The following GDF6 variants were observed in gnomAD, a reference collection of about 807,000 sequenced individuals.
GDF6 encodes the protein growth differentiation factor 6.
In GDF6, 3 loss-of-function variants were observed where a neutral mutation model predicts 32.4. The observed-to-expected ratio is 0.09, with a 90% CI of 0.04 to 0.24. GDF6 has a LOEUF of 0.24. GDF6 is among the 10% of genes least tolerant of loss of function. The pLI is 1.00. For missense variants in GDF6, 589 were observed against 637.9 expected (o/e 0.92, Z 0.83); for synonymous variants, 296 against 295.3 (o/e 1.00, Z -0.03).
intron 1 of GDF6, among the ~76,000 whole-genome samples, chr8:96,146,567 A>G (rs1017828759): frequency 2.6e-5 from 4 of 152,130 alleles, no homozygotes; most frequent in African/African-American, 4.8e-5. Flanking sequence ...ACAAATGAAC[A>G]AACACACACA....
chr8:96,154,279 G>C (rs746983019), intron 1 of GDF6, among the ~76,000 whole-genome samples: 44 of 151,978 alleles, frequency 2.9e-4, no homozygotes, highest in Non-Finnish European at 5.6e-4. Flanking sequence ...GCCGCCGCGC[G>C]CGCTTCCCTA....
At chr8:96,149,740 C>T (rs1345329343) in intron 1 of GDF6, among the ~76,000 whole-genome samples, 2 of 152,154 alleles carry the variant, frequency 1.3e-5, no homozygotes, top group African/African-American at 4.8e-5. Context: ...AATGAGAAAA[C>T]TGGCCTAGAA....
rs965785374 is a variant in GDF6 at position 96,142,686 on chromosome 8, T to C, written c.*1877A>G. 7 of 152,672 alleles carry C rather than the reference T, an allele frequency of 4.6e-5. No individual in the cohort carries two copies. Among genetic ancestry groups the C allele is most frequent in the African/African-American group, 1.7e-4 (7 of 41,458 alleles). The allele number at this position is 152,672 out of a possible 1,614,324, so 9.5% of individuals were successfully genotyped here. ...ATGCTGTCCATTTCCTCTTTGCACT[T>C]TCAGTCACCTTAAATAAACAAATAT... On this transcript the variant is annotated 3_prime_UTR_variant, in exon 2 of 2. Coordinates refer to ENST00000287020, the MANE Select transcript of GDF6 (RefSeq NM_001001557.4).
At chr8:96,146,988 CT>C (rs745816306) in intron 1 of GDF6, among the ~76,000 whole-genome samples, 3 of 152,212 alleles carry the variant, frequency 2.0e-5, no homozygotes, top group Non-Finnish European at 4.4e-5. Flanking sequence ...TTTTCCTGGG[CT>C]GCCTTCCCAT....
Position 96,145,286 on chromosome 8 carries a change from G to A in GDF6, c.645C>T (p.Phe215=). Residue 215 remains phenylalanine (F), a synonymous_variant, in exon 2 of 2, where the codon TTC becomes TTT. Coordinates refer to ENST00000287020, the MANE Select transcript of GDF6 (RefSeq NM_001001557.4). The surrounding 1 kb of genome is among the most constrained non-coding windows in gnomAD (Gnocchi z 5.6). ...QGAPPAGWEV[F]DVWQGLRHQP... ...GGTGGCGCAGGCCCTGCCACACGTC[G>A]AAGACTTCCCAGCCGGCCGGCGGCG... 4 of 1,528,764 alleles carry A rather than the reference G, an allele frequency of 2.6e-6. No homozygotes were observed. The highest frequency in any genetic ancestry group is 3.5e-6 in the Non-Finnish European group (4 of 1,144,006). The allele number at this position is 1,528,764 out of a possible 1,614,324, so 94.7% of individuals were successfully genotyped here.
chr8:96,144,287 A>AGAGAGAGAGAGAGAGG lies in GDF6; in HGVS notation c.*275_*276insCCTCTCTCTCTCTCTC, dbSNP rs1563507993. 1 of 496,986 alleles carries AGAGAGAGAGAGAGAGG rather than the reference A, an allele frequency of 2.0e-6. No homozygotes were observed. Among genetic ancestry groups the AGAGAGAGAGAGAGAGG allele is most frequent in the Non-Finnish European group, 3.6e-6 (1 of 275,666 alleles). 30.8% of individuals were successfully genotyped at this position (496,986 alleles called of 1,614,324 possible). ...GAGAGAGAGAGAGAGAGAGAGAGAG[A>AGAGAGAGAGAGAGAGG]GAGAAAACAGAACAAAAGAAATCCT... On this transcript the variant is annotated 3_prime_UTR_variant, in exon 2 of 2. Transcript: ENST00000287020. This position sits in a 1 kb window ranked among gnomAD's most constrained non-coding sequence, Gnocchi z 5.1.
chr8:96,157,618 C>G (rs1405055310), intron 1 of GDF6, among the ~76,000 whole-genome samples: 1 of 152,180 alleles, frequency 6.6e-6, no homozygotes, highest in Non-Finnish European at 1.5e-5. Context: ...CTTTCCTCCT[C>G]GCCAGGCCGT....
intron 1 of GDF6, among the ~76,000 whole-genome samples, chr8:96,150,685 A>G (rs1220614716): frequency 6.6e-6 from 1 of 152,260 alleles, no homozygotes; most frequent in Non-Finnish European, 1.5e-5. Context: ...CCAGTCCTGC[A>G]GCGCAAGAGA....
At position 96,145,199 on chromosome 8, in the gene GDF6, C is replaced by G. The variant is rs1201519354; in HGVS notation, c.732G>C (p.Glu244Asp). ...RAAWGELDAG[E>D]AEARARGPQQ... ...GGGGTCCCCGCGCGCGCGCCTCGGC[C>G]TCCCCGGCGTCCAGCTCGCCCCATG... The change falls in exon 2 of 2, where the codon GAG (glutamate) becomes GAC (aspartate). Residue 244 changes from glutamate to aspartate, a missense_variant. Physicochemically the swap from Glu to Asp is conservative, Grantham distance 45. Around this residue, in one of 2 missense-constraint regions of GDF6, gnomAD observed 436 missense variants for 411.2 expected, o/e 1.06. Coordinates refer to ENST00000287020, the MANE Select transcript of GDF6 (RefSeq NM_001001557.4). The surrounding 1 kb of genome is among the most constrained non-coding windows in gnomAD (Gnocchi z 5.6). 6.0e-6 allele frequency: 9 copies of G among 1,500,496 alleles called. No homozygotes were observed. The African/African-American group carries it at 1.2e-4, about 19-fold the overall frequency. 92.9% of individuals were successfully genotyped at this position (1,500,496 alleles called of 1,614,324 possible).
chr8:96,157,197 C>G (rs1224080093), intron 1 of GDF6, among the ~76,000 whole-genome samples: 13 of 152,076 alleles, frequency 8.5e-5, no homozygotes, highest in Admixed American at 8.5e-4. Flanking sequence ...AAGAAGGGAC[C>G]TGTTTTAGGT....
chr8:96,160,770 C>G lies in GDF6; in HGVS notation c.-78G>C. 6.9e-7 allele frequency: 1 copy of G among 1,454,774 alleles called. No homozygotes were observed. The highest frequency in any genetic ancestry group is 1.9e-5 in the Admixed American group (1 of 52,022). 90.1% of individuals were successfully genotyped at this position (1,454,774 alleles called of 1,614,324 possible). ...CGCGGGGCACGGAGCGGCTGGACAGCGGCCGGGGCCCGGCTCCTCGGGCGG... is the reference window on the plus strand; with the variant it reads ...CGCGGGGCACGGAGCGGCTGGACAGGGGCCGGGGCCCGGCTCCTCGGGCGG... On this transcript the variant is annotated 5_prime_UTR_variant, in exon 1 of 2. Coordinates refer to ENST00000287020, the MANE Select transcript of GDF6 (RefSeq NM_001001557.4).
chr8:96,155,435 A>G (rs1812645332), intron 1 of GDF6, among the ~76,000 whole-genome samples: 1 of 152,246 alleles, frequency 6.6e-6, no homozygotes, highest in African/African-American at 2.4e-5. Context: ...AACGTGCCTT[A>G]CTTATTCGAA....
At chr8:96,155,753 G>C (rs1812650218) in intron 1 of GDF6, among the ~76,000 whole-genome samples, 1 of 152,182 alleles carries the variant, frequency 6.6e-6, no homozygotes, top group Non-Finnish European at 1.5e-5. Flanking sequence ...TCGAATACAA[G>C]GTCACCAAAT....
rs990749900 is a variant in GDF6, at chr8:96,147,141, C to T, written c.407-1617G>A. Among the ~76,000 whole-genome samples, 4 of 152,178 alleles carry T rather than the reference C, an allele frequency of 2.6e-5. No individual in the cohort carries two copies. The East Asian group carries it at 7.7e-4, about 29-fold the overall frequency. On this transcript the variant is annotated intron_variant, in intron 1 of 1. Transcript: ENST00000287020. ...CCTCTCTACCAGTCCAGATGTAGCC[C>T]GGGGGCACTGGCTCTGGAGCCTCTG...
At chr8:96,154,866 G>A (rs1290291776) in intron 1 of GDF6, among the ~76,000 whole-genome samples, 2 of 152,096 alleles carry the variant, frequency 1.3e-5, no homozygotes, top group Admixed American at 6.5e-5. Flanking sequence ...CACCACTTTC[G>A]AGGAGGTGTG....
chr8:96,156,377 C>CCTCT (rs10569146), intron 1 of GDF6, among the ~76,000 whole-genome samples: 19 of 140,874 alleles, frequency 1.3e-4, no homozygotes, highest in Non-Finnish European at 2.0e-4. Flanking sequence ...TCTCTCTTTC[C>CCTCT]CTCTCTCTCT....
chr8:96,144,760 G>A lies in GDF6; in HGVS notation c.1171C>T (p.Leu391=), dbSNP rs1217904978. Residue 391 remains leucine (L), a synonymous_variant, in exon 2 of 2, where the codon CTG becomes TTG. Transcript: ENST00000287020. The surrounding 1 kb of genome is among the most constrained non-coding windows in gnomAD (Gnocchi z 5.1). ...YHCEGVCDFP[L]RSHLEPTNHA... ...TTGGTGGGCTCCAGGTGCGAGCGCA[G>A]CGGGAAGTCGCATACACCCTCGCAG... 6.2e-7 allele frequency: 1 copy of A among 1,614,020 alleles called. No homozygotes were observed. Among genetic ancestry groups the A allele is most frequent in the Non-Finnish European group, 8.5e-7 (1 of 1,180,016 alleles).
intron 1 of GDF6, among the ~76,000 whole-genome samples, chr8:96,148,018 C>T (rs1033227182): frequency 6.6e-6 from 1 of 152,160 alleles, no homozygotes; most frequent in Non-Finnish European, 1.5e-5. Flanking sequence ...AATGTGTGGG[C>T]TAATAAATGA....
At chr8:96,159,761 GCCAGGA>G (rs1169363198) in intron 1 of GDF6, among the ~76,000 whole-genome samples, 1 of 152,246 alleles carries the variant, frequency 6.6e-6, no homozygotes, top group Non-Finnish European at 1.5e-5. Context: ...CCCGCGCGGC[GCCAGGA>G]CCAGGGGGCT....
Sources: allele counts gnomAD v4.1 joint callset (sites outside exome capture counted in the v4.1 genomes callset), GRCh38; gene constraint gnomAD v4.1.1; regional missense constraint gnomAD v4.1.1; non-coding constraint Gnocchi (gnomAD v3.1); transcripts MANE v1.5; gene names NCBI Gene and HGNC (gene_info 2026-07-23, HGNC 2026-07-21).